The following SOX6 variants were observed in gnomAD, a reference collection of about 807,000 sequenced individuals.
SOX6 encodes the protein SRY-box transcription factor 6, also known as transcription factor SOX-6.
In SOX6, 11 loss-of-function variants were observed where a neutral mutation model predicts 97.8. That is an observed-to-expected ratio of 0.11 (90% CI 0.07 to 0.19). The LOEUF (loss-of-function observed/expected upper bound fraction) is 0.19, where lower values mean the gene tolerates loss of function less well. SOX6 is among the 10% of genes least tolerant of loss of function. The probability of loss-of-function intolerance (pLI) is 1.00; values close to 1 mark genes in which losing one functional copy is unlikely to be tolerated. For synonymous variants in SOX6, 360 were observed against 371.4 expected, an observed-to-expected ratio of 0.97 and a Z score of 0.35; for missense variants, 810 against 1,039.5, an observed-to-expected ratio of 0.78 and a Z score of 3.04.
chr11:16,055,330 AT>A (rs973119522), intron 10 of SOX6, among the ~76,000 whole-genome samples: 124 of 152,170 alleles, frequency 8.1e-4, no homozygotes, highest in African/African-American at 3.0e-3. Context: ...ATCAAATTCT[AT>A]TTTGCACTTC....
At chr11:16,715,015 A>G (rs945318787) in intron 2 of SOX6, 1 of 152,202 alleles carries the variant, frequency 6.6e-6, no homozygotes. Context: ...TTATTAGAGT[A>G]CATTACAGTG....
chr11:16,575,253 T>C (rs543595028), intron 4 of SOX6, among the ~76,000 whole-genome samples: 1 of 152,306 alleles, frequency 6.6e-6, no homozygotes, highest in South Asian at 2.1e-4. Flanking sequence ...ACATCAATTG[T>C]TAGCAACAAT....
At chr11:16,642,673 A>G (rs1478496639) in intron 3 of SOX6, among the ~76,000 whole-genome samples, 9 of 152,030 alleles carry the variant, frequency 5.9e-5, no homozygotes, top group African/African-American at 1.9e-4. Flanking sequence ...TTGATCTTCC[A>G]TCACTGATAC....
chr11:16,097,460 C>A lies in SOX6; in HGVS notation c.978+149G>T, dbSNP rs759457604. 8.5e-6 allele frequency: 6 copies of A among 709,058 alleles called. No individual in the cohort carries two copies. The Admixed American group carries it at 1.3e-4, about 15-fold the overall frequency. The allele number at this position is 709,058 out of a possible 1,614,324, so 43.9% of individuals were successfully genotyped here. On this transcript the variant is annotated intron_variant, in intron 8 of 15. Transcript: ENST00000683767. ...AACTGGCAGTTTTCTCTTCTATTTG[C>A]ATTACGATAAGCAAATAAGGTGTTA...
chr11:16,197,211 C>T (rs1851805546), intron 4 of SOX6, among the ~76,000 whole-genome samples: 1 of 152,066 alleles, frequency 6.6e-6, no homozygotes, highest in Non-Finnish European at 1.5e-5. Context: ...CACATCCCTG[C>T]CCCCAAATCA....
intron 1 of SOX6, among the ~76,000 whole-genome samples, chr11:16,452,106 G>C (rs1259926862): frequency 1.3e-5 from 2 of 152,184 alleles, no homozygotes; most frequent in Admixed American, 1.3e-4. Flanking sequence ...TAAAGTTGTA[G>C]TGGGATATAT....
chr11:16,704,262 T>C (rs1259955486), intron 3 of SOX6, among the ~76,000 whole-genome samples: 2 of 152,196 alleles, frequency 1.3e-5, no homozygotes, highest in African/African-American at 4.8e-5. Flanking sequence ...CTTCTGGAAA[T>C]ACATGGAACC....
chr11:16,402,398 C>A (rs1423370461), intron 1 of SOX6, among the ~76,000 whole-genome samples: 1 of 151,566 alleles, frequency 6.6e-6, no homozygotes, highest in South Asian at 2.1e-4. Context: ...TTTAAGAACA[C>A]CAATAACGTG....
chr11:16,262,776 T>A (rs551365820), intron 3 of SOX6, among the ~76,000 whole-genome samples: 2 of 152,010 alleles, frequency 1.3e-5, no homozygotes, highest in Non-Finnish European at 2.9e-5. Flanking sequence ...CATCTTGAGT[T>A]CAGATCAATG....
intron 13 of SOX6, among the ~76,000 whole-genome samples, chr11:16,004,289 C>A (rs1444167503): frequency 6.6e-6 from 1 of 151,892 alleles, no homozygotes; most frequent in Non-Finnish European, 1.5e-5. Flanking sequence ...TCACAATGGG[C>A]ACTCAAATGT....
At chr11:16,705,564 T>C (rs1422695905) in intron 3 of SOX6, among the ~76,000 whole-genome samples, 1 of 151,954 alleles carries the variant, frequency 6.6e-6, no homozygotes, top group Admixed American at 6.6e-5. Context: ...GAGTTCAAGG[T>C]TACAGTGAGC....
chr11:16,251,553 A>G (rs532565339), intron 3 of SOX6, among the ~76,000 whole-genome samples: 23 of 152,284 alleles, frequency 1.5e-4, no homozygotes, highest in African/African-American at 5.5e-4. Context: ...ATCAAAATAG[A>G]AAACAGAAAT....
chr11:16,483,570 AG>A (rs1337073084), intron 4 of SOX6, among the ~76,000 whole-genome samples: 1 of 152,178 alleles, frequency 6.6e-6, no homozygotes, highest in African/African-American at 2.4e-5. Context: ...TTCTACTGAC[AG>A]GGCTCCTCAG....
intron 4 of SOX6, among the ~76,000 whole-genome samples, chr11:16,482,417 G>A (rs1285977403): frequency 6.6e-6 from 1 of 152,108 alleles, no homozygotes; most frequent in Admixed American, 6.5e-5. Flanking sequence ...TTAAAACCAC[G>A]TTTCTTAATA....
intron 4 of SOX6, among the ~76,000 whole-genome samples, chr11:16,525,775 C>T (rs1184227118): frequency 1.4e-4 from 21 of 151,976 alleles, no homozygotes; most frequent in Middle Eastern, 3.4e-3. Flanking sequence ...TGAACTCAAA[C>T]AAATTTACAA....
chr11:16,305,317 A>G (rs1855394200), intron 3 of SOX6, among the ~76,000 whole-genome samples: 2 of 152,248 alleles, frequency 1.3e-5, no homozygotes, highest in South Asian at 2.1e-4. Flanking sequence ...ATAATGTTCA[A>G]CATCATTAGC....
chr11:16,281,605 C>T lies in SOX6; in HGVS notation c.445+36841G>A, dbSNP rs75724450. The stretch of plus-strand genomic sequence containing the variant: ...TTGATTCTTAGTAATCAATAACATA[C>T]GTATTTAATAGACCCTATGGTGACT... On this transcript the variant is annotated intron_variant, in intron 3 of 15. Transcript: ENST00000683767. Among the ~76,000 whole-genome samples the T allele has an allele frequency of 9.3e-3, 1,412 of 151,962 alleles. 20 individuals are homozygous for T. The highest frequency in any genetic ancestry group is 0.032 in the African/African-American group (1,333 of 41,498).
chr11:16,064,994 A>G (rs1325237282), intron 9 of SOX6, among the ~76,000 whole-genome samples: 2 of 152,066 alleles, frequency 1.3e-5, no homozygotes, highest in Admixed American at 1.3e-4. Flanking sequence ...GTTATTCAAC[A>G]TATTACTGGA....
At chr11:16,219,247 T>C (rs539025073) in intron 4 of SOX6, among the ~76,000 whole-genome samples, 2 of 152,176 alleles carry the variant, frequency 1.3e-5, no homozygotes, top group South Asian at 4.1e-4. Flanking sequence ...AGCTCAGTTG[T>C]ATTCATCTCT....
Sources: allele counts gnomAD v4.1 joint callset (sites outside exome capture counted in the v4.1 genomes callset), GRCh38; gene constraint gnomAD v4.1.1; transcripts MANE v1.5; gene names NCBI Gene and HGNC (gene_info 2026-07-23, HGNC 2026-07-21).